LPP: variants seen among roughly 807,000 people sequenced by gnomAD.
LPP encodes LIM domain containing preferred translocation partner in lipoma, also known as lipoma-preferred partner.
Under a neutral mutation model 60.4 loss-of-function variants are expected in LPP, and 38 were observed. The ratio of observed to expected loss-of-function variants is 0.63; its 90% CI spans 0.49 to 0.83. LPP has a LOEUF of 0.83. Ranked by LOEUF, LPP falls within the 40% of genes least tolerant of loss-of-function variation. The probability of loss-of-function intolerance (pLI) is 0.00; values close to 1 mark genes in which losing one functional copy is unlikely to be tolerated. For synonymous variants in LPP, 328 were observed against 290.8 expected (o/e 1.13, Z -1.30); for missense variants, 902 against 783.6 (o/e 1.15, Z -1.80).
At position 188,311,364 on chromosome 3, in the gene LPP, AGCTACTCAGGAG is replaced by A. The variant is rs1162113127; in HGVS notation, c.-66-30295_-66-30284del. 8.5e-5 allele frequency among the ~76,000 whole-genome samples: 13 copies of A among 152,178 alleles called. No individual in the cohort carries two copies. The East Asian group carries it at 2.1e-3, about 25-fold the overall frequency. On this transcript the variant is annotated intron_variant, in intron 2 of 11. Transcript: ENST00000617246. ...CATGATGGTGTACACCTGTAGTCCT[AGCTACTCAGGAG>A]GCTGAGGCAGGAACATTGCTTGAGA...
chr3:188,259,180 C>G lies in LPP; in HGVS notation c.-67+33653C>G, dbSNP rs375532855. On this transcript the variant is annotated intron_variant, in intron 2 of 11. Coordinates refer to ENST00000617246, the MANE Select transcript of LPP (RefSeq NM_001375462.1). ...TTGTAGTCTCTTTGATTTTTGTTTG[C>G]TAATTTAATTTACTATTGCATATAA... Among the ~76,000 whole-genome samples, 12 of 152,200 alleles carry G rather than the reference C, an allele frequency of 7.9e-5. 1 individual carries two copies. Among genetic ancestry groups the G allele is most frequent in the African/African-American group, 2.9e-4 (12 of 41,526 alleles).
chr3:188,254,870 C>A (rs1352459026), intron 2 of LPP, among the ~76,000 whole-genome samples: 1 of 152,170 alleles, frequency 6.6e-6, no homozygotes, highest in African/African-American at 2.4e-5. Flanking sequence ...ATTTACACTC[C>A]TGGAGGCCTC....
intron 3 of LPP, among the ~76,000 whole-genome samples, chr3:188,370,009 A>G (rs950870638): frequency 6.6e-6 from 1 of 151,920 alleles, no homozygotes; most frequent in African/African-American, 2.4e-5. Flanking sequence ...GCTCACTGCA[A>G]CCTCCACCTT....
intron 9 of LPP, among the ~76,000 whole-genome samples, chr3:188,806,165 G>GGGATA (rs1325920135): frequency 6.6e-6 from 1 of 151,780 alleles, no homozygotes; most frequent in Admixed American, 6.6e-5. Context: ...AATTATTAGA[G>GGGATA]GGATACTGAA....
At chr3:188,254,948 A>G (rs1307490167) in intron 2 of LPP, among the ~76,000 whole-genome samples, 1 of 152,214 alleles carries the variant, frequency 6.6e-6, no homozygotes, top group Non-Finnish European at 1.5e-5. Flanking sequence ...GGATAAATAC[A>G]GATAAATTCT....
intron 7 of LPP, among the ~76,000 whole-genome samples, chr3:188,659,611 A>C (rs1416390784): frequency 1.3e-5 from 2 of 152,184 alleles, no homozygotes. Context: ...GATGGGATCC[A>C]CTACAGCACA....
chr3:188,790,169 G>T (rs1743233821), intron 9 of LPP, among the ~76,000 whole-genome samples: 1 of 152,092 alleles, frequency 6.6e-6, no homozygotes, highest in Non-Finnish European at 1.5e-5. Flanking sequence ...GCAACTGCAT[G>T]CAATAATAAC....
chr3:188,663,539 G>C (rs1855072417), intron 7 of LPP, among the ~76,000 whole-genome samples: 1 of 152,072 alleles, frequency 6.6e-6, no homozygotes, highest in South Asian at 2.1e-4. Flanking sequence ...ACTCCAACGG[G>C]TAGAGTGGCT....
At chr3:188,279,541 A>G (rs1741194369) in intron 2 of LPP, among the ~76,000 whole-genome samples, 1 of 152,226 alleles carries the variant, frequency 6.6e-6, no homozygotes, top group Non-Finnish European at 1.5e-5. Flanking sequence ...ATGCTTTCAG[A>G]TTCATTTTAA....
chr3:188,269,012 T>C (rs1012268650), intron 2 of LPP, among the ~76,000 whole-genome samples: 1 of 152,200 alleles, frequency 6.6e-6, no homozygotes, highest in African/African-American at 2.4e-5. Flanking sequence ...CGAATTCTAA[T>C]TAAGATTGCT....
At chr3:188,418,439 C>A (rs1786915132) in intron 4 of LPP, among the ~76,000 whole-genome samples, 1 of 152,150 alleles carries the variant, frequency 6.6e-6, no homozygotes, top group Admixed American at 6.6e-5. Context: ...TTATTATCAC[C>A]CTCAATCTGC....
intron 7 of LPP, among the ~76,000 whole-genome samples, chr3:188,689,281 G>C (rs889934900): frequency 6.6e-5 from 10 of 152,186 alleles, no homozygotes; most frequent in Non-Finnish European, 2.9e-5. Flanking sequence ...ATTGGGTTCT[G>C]GACTCTGAAG....
At chr3:188,787,979 T>G (rs1229767636) in intron 9 of LPP, among the ~76,000 whole-genome samples, 1 of 152,140 alleles carries the variant, frequency 6.6e-6, no homozygotes, top group South Asian at 2.1e-4. Context: ...GAACCCAAGG[T>G]GTTCCCTTTT....
intron 1 of LPP, among the ~76,000 whole-genome samples, chr3:188,177,381 C>A (rs1183923767): frequency 3.3e-5 from 5 of 152,088 alleles, no homozygotes; most frequent in African/African-American, 9.7e-5. Context: ...TGGATTGGGG[C>A]CTTGAGGCAC....
rs1016372371 is a variant in LPP, at chr3:188,409,342, G to T, written c.193+3029G>T. ...AATATATAAGTTAAAGACAAATCTT[G>T]GGAACAGTTTATGGACATTCAGACT... On this transcript the variant is annotated intron_variant, in intron 4 of 11. Transcript: ENST00000617246. Among the ~76,000 whole-genome samples, 4 of 152,016 alleles carry T rather than the reference G, an allele frequency of 2.6e-5. No individual in the cohort carries two copies. In the South Asian group the frequency reaches 8.3e-4, roughly 32 times the overall value.
At chr3:188,824,933 C>T (rs888159944) in intron 9 of LPP, among the ~76,000 whole-genome samples, 4 of 152,056 alleles carry the variant, frequency 2.6e-5, no homozygotes, top group East Asian at 1.9e-4. Context: ...CTGGGAATGA[C>T]GAATGAAGGG....
intron 4 of LPP, among the ~76,000 whole-genome samples, chr3:188,454,508 A>C (rs1797290610): frequency 6.6e-6 from 1 of 152,206 alleles, no homozygotes; most frequent in South Asian, 2.1e-4. Flanking sequence ...TGTAATTTGT[A>C]TTATTGGAAA....
chr3:188,600,545 G>T (rs1250879337), intron 6 of LPP, among the ~76,000 whole-genome samples: 2 of 151,716 alleles, frequency 1.3e-5, no homozygotes, highest in East Asian at 3.9e-4. Flanking sequence ...TTATTATATA[G>T]TGGTAAAATA....
chr3:188,869,775 A>G (rs1196495105), intron 10 of LPP, among the ~76,000 whole-genome samples: 2 of 152,206 alleles, frequency 1.3e-5, no homozygotes, highest in African/African-American at 4.8e-5. Context: ...ACTGTTTTTG[A>G]GAACTTGTTA....
Sources: gnomAD v4.1 joint callset for allele counts (sites outside exome capture counted in the v4.1 genomes callset) on GRCh38, gnomAD v4.1.1 for gene constraint, MANE v1.5 for transcripts, NCBI Gene and HGNC (gene_info 2026-07-23, HGNC 2026-07-21) for gene names.